Variants in CFAP97D2 observed in about 807,000 individuals in gnomAD.
CFAP97D2 encodes CFAP97 domain containing 2.
intron 4 of CFAP97D2, among the ~76,000 whole-genome samples, chr13:114,220,719 AATG>A (rs1476311325): frequency 6.6e-6 from 1 of 152,186 alleles, no homozygotes; most frequent in African/African-American, 2.4e-5. Context: ...AACAAACACA[AATG>A]ATCTCCAGGA....
At chr13:114,217,778 A>G (rs1406493480) in intron 4 of CFAP97D2, among the ~76,000 whole-genome samples, 3 of 152,248 alleles carry the variant, frequency 2.0e-5, no homozygotes, top group African/African-American at 7.2e-5. Context: ...CAAAAACCAC[A>G]TGATTATCTC....
At chr13:114,205,369 C>A (rs768370933) in intron 3 of CFAP97D2, among the ~76,000 whole-genome samples, 1 of 152,174 alleles carries the variant, frequency 6.6e-6, no homozygotes, top group Non-Finnish European at 1.5e-5. Context: ...CATGTCTACA[C>A]GAAAACATAT....
In CFAP97D2 at chr13:114,211,198, C is replaced by T. The variant is rs192220891; in HGVS notation, c.291-714C>T. Among the ~76,000 whole-genome samples, 78 of 152,304 alleles carry T rather than the reference C, an allele frequency of 5.1e-4. No individual in the cohort carries two copies. The highest frequency in any genetic ancestry group is 7.9e-4 in the Non-Finnish European group (54 of 68,030). On this transcript the variant is annotated intron_variant, in intron 3 of 4. Transcript: ENST00000646158. The surrounding 1 kb of genome is among the most constrained non-coding windows in gnomAD (Gnocchi z 4.2). ...GCCAGGGTCAAACCCCTACTCTAGG[C>T]GCTTCCGCAGCCCCCCATGGCTCCC...
At chr13:114,221,666 A>G (rs1056190822) in intron 4 of CFAP97D2, among the ~76,000 whole-genome samples, 2 of 152,306 alleles carry the variant, frequency 1.3e-5, no homozygotes, top group South Asian at 4.2e-4. Context: ...ATACATATGT[A>G]ACAAACCTGC....
At chr13:114,208,470 A>G (rs765621472) in intron 3 of CFAP97D2, among the ~76,000 whole-genome samples, 1 of 152,214 alleles carries the variant, frequency 6.6e-6, no homozygotes, top group Non-Finnish European at 1.5e-5. Flanking sequence ...AAAATAATTC[A>G]TGTGCTTATT....
chr13:114,181,747 G>A (rs1478278026), intron 1 of CFAP97D2, among the ~76,000 whole-genome samples: 3 of 152,160 alleles, frequency 2.0e-5, no homozygotes, highest in African/African-American at 7.2e-5. Context: ...AAAATAAGAG[G>A]AGAAAAAAGA....
chr13:114,209,996 C>T (rs936699437), intron 3 of CFAP97D2, among the ~76,000 whole-genome samples: 4 of 152,176 alleles, frequency 2.6e-5, no homozygotes, highest in African/African-American at 9.7e-5. Flanking sequence ...CTGATTATAA[C>T]ATAATACATA....
chr13:114,202,592 T>C (rs1213092189), intron 3 of CFAP97D2, among the ~76,000 whole-genome samples: 1 of 152,226 alleles, frequency 6.6e-6, no homozygotes, highest in Non-Finnish European at 1.5e-5. Flanking sequence ...TGCAGCCAAG[T>C]GCATGGGCTC....
In CFAP97D2 at chr13:114,185,435, C is replaced by T. The variant is rs1041838681; in HGVS notation, c.90+6015C>T. 2.6e-5 allele frequency among the ~76,000 whole-genome samples: 4 copies of T among 152,170 alleles called. No individual in the cohort carries two copies. Among genetic ancestry groups the T allele is most frequent in the Admixed American group, 6.5e-5 (1 of 15,292 alleles). On this transcript the variant is annotated intron_variant, in intron 1 of 4. Coordinates refer to ENST00000646158, the Ensembl canonical transcript of CFAP97D2. The surrounding 1 kb of genome is among the most constrained non-coding windows in gnomAD (Gnocchi z 5.2). ...GGCATGGCCAGGGCTGCACACTCCACGGAGCCTGTGGGAGCCAGGAATGAG... is the reference window on the plus strand; with the variant it reads ...GGCATGGCCAGGGCTGCACACTCCATGGAGCCTGTGGGAGCCAGGAATGAG...
chr13:114,199,097 T>C (rs1163060303), intron 2 of CFAP97D2, among the ~76,000 whole-genome samples: 16 of 52,148 alleles, frequency 3.1e-4, no homozygotes, highest in Non-Finnish European at 2.7e-4. Flanking sequence ...CGGTCCCCGC[T>C]GAGGCGTGAC....
rs200788713 is a variant in CFAP97D2 at position 114,182,335 on chromosome 13, T to G, written c.90+2915T>G. On this transcript the variant is annotated intron_variant, in intron 1 of 4. Coordinates refer to ENST00000646158, the Ensembl canonical transcript of CFAP97D2. ...CATGTCTCGCCTCCCGCCATAGGGC[T>G]GTTTTTCTCCTATCTCAGAATTGAA... Among the ~76,000 whole-genome samples the G allele has an allele frequency of 4.1e-3, 587 of 143,510 alleles. 2 individuals carry two copies. The highest frequency in any genetic ancestry group is 0.027 in the South Asian group (122 of 4,466). 94.1% of individuals were successfully genotyped at this position (143,510 alleles called of 152,430 possible). A position where few individuals can be genotyped will look rare whatever the true frequency, so the allele number is the denominator to read the frequency against.
intron 2 of CFAP97D2, among the ~76,000 whole-genome samples, chr13:114,197,362 T>G (rs1303694994): frequency 6.6e-6 from 1 of 152,256 alleles, no homozygotes; most frequent in Non-Finnish European, 1.5e-5. Flanking sequence ...GTCTCTGTTT[T>G]AACCTTAATG....
At chr13:114,200,558 CT>C in intron 3 of CFAP97D2, 115 bp downstream of exon 3, 1 of 392,920 alleles carries the variant, frequency 2.5e-6, no homozygotes, top group Non-Finnish European at 4.5e-6. Context: ...CGTTTCTGTC[CT>C]CTCCCGAAAA....
In CFAP97D2 at chr13:114,205,381, CA is replaced by C. The variant is rs566466169; in HGVS notation, c.290+4940del. On this transcript the variant is annotated intron_variant, in intron 3 of 4. Transcript: ENST00000646158. ...AAACATGTCTACACGAAAACATATA[CA>C]ATTGATTTTTGTGTATTGATCTTAT... 1.3e-4 allele frequency among the ~76,000 whole-genome samples: 20 copies of C among 152,268 alleles called. No individual in the cohort carries two copies. In the East Asian group the frequency reaches 3.7e-3, roughly 28 times the overall value.
At position 114,189,101 on chromosome 13, in the gene CFAP97D2, GTAA is replaced by G. The variant is rs886103453; in HGVS notation, c.91-7289_91-7287del. Among the ~76,000 whole-genome samples the G allele has an allele frequency of 8.1e-5, 12 of 148,820 alleles. No individual in the cohort carries two copies. Among genetic ancestry groups the G allele is most frequent in the Non-Finnish European group, 1.6e-4 (11 of 67,396 alleles). On this transcript the variant is annotated intron_variant, in intron 1 of 4. Coordinates refer to ENST00000646158, the Ensembl canonical transcript of CFAP97D2. This position sits in a 1 kb window ranked among gnomAD's most constrained non-coding sequence, Gnocchi z 4.5. ...ACTATGTTATAATATAACTATATTA[GTAA>G]TAATATTACTAATATTAAAAAGCTA...
chr13:114,195,345 C>T (rs1250880179), intron 1 of CFAP97D2, among the ~76,000 whole-genome samples: 5 of 152,230 alleles, frequency 3.3e-5, no homozygotes, highest in Non-Finnish European at 7.3e-5. Flanking sequence ...ACGTCTCCAT[C>T]TGCCCCTTTC....
intron 3 of CFAP97D2, among the ~76,000 whole-genome samples, chr13:114,202,595 A>T (rs766004170): frequency 5.9e-5 from 9 of 152,242 alleles, no homozygotes; most frequent in Admixed American, 2.6e-4. Flanking sequence ...AGCCAAGTGC[A>T]TGGGCTCTGC....
chr13:114,202,709 AGT>A (rs1294419861), intron 3 of CFAP97D2, among the ~76,000 whole-genome samples: 1 of 152,152 alleles, frequency 6.6e-6, no homozygotes, highest in Non-Finnish European at 1.5e-5. Context: ...ATCCCAGGTG[AGT>A]GTGGCCCCAC....
chr13:114,197,591 T>G (rs899835353), intron 2 of CFAP97D2, among the ~76,000 whole-genome samples: 1 of 152,230 alleles, frequency 6.6e-6, no homozygotes. Context: ...GGAAGTGGAT[T>G]CACAGTGACA....
Sources: allele counts gnomAD v4.1 joint callset (sites outside exome capture counted in the v4.1 genomes callset), GRCh38; gene constraint gnomAD v4.1.1; non-coding constraint Gnocchi (gnomAD v3.1); transcripts MANE v1.5; gene names NCBI Gene and HGNC (gene_info 2026-07-23, HGNC 2026-07-21).